LHPP: variants seen among roughly 807,000 people sequenced by gnomAD.
LHPP encodes the protein phospholysine phosphohistidine inorganic pyrophosphate phosphatase.
LHPP carries 24 observed loss-of-function variants against 30.3 expected under a neutral mutation model. That is an observed-to-expected ratio of 0.79 (90% CI 0.57 to 1.11). LHPP has a LOEUF of 1.11. Ranked by LOEUF, LHPP falls within the 50% of genes most tolerant of loss-of-function variation. The pLI is 0.00. For missense variants in LHPP, 356 were observed against 367.2 expected (o/e 0.97, Z 0.25); for synonymous variants, 150 against 157.1 (o/e 0.95, Z 0.34).
intron 6 of LHPP, among the ~76,000 whole-genome samples, chr10:124,564,666 C>G (rs190273052): frequency 3.3e-5 from 5 of 152,282 alleles, no homozygotes; most frequent in Admixed American, 6.5e-5. Context: ...TCCTGGTTCC[C>G]CAGTGAGAGA....
intron 5 of LHPP, among the ~76,000 whole-genome samples, chr10:124,499,300 A>C (rs1159539171): frequency 1.4e-5 from 2 of 147,450 alleles, no homozygotes; most frequent in Non-Finnish European, 3.0e-5. Flanking sequence ...GATTACAGGC[A>C]TGAGCCACCA....
intron 6 of LHPP, among the ~76,000 whole-genome samples, chr10:124,561,535 C>T (rs572776688): frequency 6.6e-6 from 1 of 152,004 alleles, no homozygotes; most frequent in African/African-American, 2.4e-5. Context: ...CCGCCCCCCC[C>T]ACAACAGTGA....
chr10:124,510,525 G>A lies in LHPP; in HGVS notation c.625-6655G>A, dbSNP rs190371222. Among the ~76,000 whole-genome samples, 61 of 152,282 alleles carry A rather than the reference G, an allele frequency of 4.0e-4. No homozygotes were observed. Among genetic ancestry groups the A allele is most frequent in the South Asian group, 1.2e-3 (6 of 4,824 alleles). ...TCCTGCATGAGAACTCTTCCTCCAA[G>A]AGACCACGTTCCTCTGGTCCTGTCT... is the stretch of plus-strand genomic sequence containing the variant. On this transcript the variant is annotated intron_variant, in intron 5 of 6. Coordinates refer to ENST00000368842, the MANE Select transcript of LHPP (RefSeq NM_022126.4). The surrounding 1 kb of genome is among the most constrained non-coding windows in gnomAD (Gnocchi z 4.0).
chr10:124,587,780 C>G (rs1310273740), intron 6 of LHPP, among the ~76,000 whole-genome samples: 2 of 147,610 alleles, frequency 1.4e-5, no homozygotes, highest in East Asian at 2.0e-4. Context: ...AAAAACCCAC[C>G]CTGAGTTTAA....
At chr10:124,529,594 C>T (rs1954833589) in intron 6 of LHPP, among the ~76,000 whole-genome samples, 1 of 152,180 alleles carries the variant, frequency 6.6e-6, no homozygotes, top group Non-Finnish European at 1.5e-5. Flanking sequence ...TCTACACTTT[C>T]CAAGGGTTTA....
intron 3 of LHPP, among the ~76,000 whole-genome samples, chr10:124,491,673 C>T (rs2133862940): frequency 6.6e-6 from 1 of 152,286 alleles, no homozygotes; most frequent in East Asian, 1.9e-4. Context: ...GCCGGTAATC[C>T]CAGCACTTTG....
intron 6 of LHPP, among the ~76,000 whole-genome samples, chr10:124,597,482 G>A (rs913352253): frequency 9.2e-5 from 14 of 152,218 alleles, no homozygotes; most frequent in Admixed American, 3.3e-4. Flanking sequence ...CCCAGCACTC[G>A]GGTCTGTGAG....
chr10:124,493,743 C>T (rs1953609129), intron 3 of LHPP: 1 of 152,174 alleles, frequency 6.6e-6, no homozygotes, highest in Non-Finnish European at 1.5e-5. Flanking sequence ...CTCTTTGTGG[C>T]TAGAACATTC....
intron 6 of LHPP, among the ~76,000 whole-genome samples, chr10:124,582,937 T>C (rs763749752): frequency 6.6e-6 from 1 of 151,738 alleles, no homozygotes; most frequent in Non-Finnish European, 1.5e-5. Flanking sequence ...TCACATTGAG[T>C]AGGATGTGAG....
chr10:124,500,327 C>T (rs572426577), intron 5 of LHPP, among the ~76,000 whole-genome samples: 4 of 151,756 alleles, frequency 2.6e-5, no homozygotes, highest in African/African-American at 7.3e-5. Flanking sequence ...TAAAAATTAG[C>T]CGGGTGTGGT....
At chr10:124,490,039 ATC>A (rs1953473213) in intron 3 of LHPP, 1 of 163,940 alleles carries the variant, frequency 6.1e-6, no homozygotes, top group Non-Finnish European at 1.3e-5. Context: ...GTCTGTGGGT[ATC>A]TCTCCCATCT....
intron 6 of LHPP, among the ~76,000 whole-genome samples, chr10:124,539,752 AT>A (rs1477269126): frequency 3.5e-5 from 5 of 143,212 alleles, no homozygotes; most frequent in African/African-American, 1.0e-4. Flanking sequence ...AAAAAAAAAA[AT>A]TAGTCAGGCA....
chr10:124,610,984 TG>T (rs2134022961), intron 6 of LHPP, among the ~76,000 whole-genome samples: 2 of 30,792 alleles, frequency 6.5e-5, no homozygotes, highest in South Asian at 2.9e-3. Context: ...AGGGTGCTGG[TG>T]GAGCGGGTGA....
intron 6 of LHPP, among the ~76,000 whole-genome samples, chr10:124,540,692 C>A (rs973770980): frequency 6.6e-6 from 1 of 152,164 alleles, no homozygotes; most frequent in Non-Finnish European, 1.5e-5. Flanking sequence ...GACTCACAGG[C>A]AGGGTTCCAG....
At chr10:124,501,896 G>A (rs1201150447) in intron 5 of LHPP, among the ~76,000 whole-genome samples, 1 of 151,864 alleles carries the variant, frequency 6.6e-6, no homozygotes, top group Non-Finnish European at 1.5e-5. Context: ...TGACTTGTGT[G>A]TCGTTTTTAT....
chr10:124,567,397 G>C (rs562438523), intron 6 of LHPP, among the ~76,000 whole-genome samples: 24 of 152,222 alleles, frequency 1.6e-4, no homozygotes, highest in African/African-American at 5.3e-4. Flanking sequence ...CCCTCCACGC[G>C]CCCCTGGCTG....
intron 6 of LHPP, among the ~76,000 whole-genome samples, chr10:124,521,537 G>A (rs1020111256): frequency 6.6e-6 from 1 of 152,216 alleles, no homozygotes; most frequent in African/African-American, 2.4e-5. Context: ...GCATCAGAAG[G>A]CCTTCCAGGC....
chr10:124,486,978 C>A (rs909343683), intron 2 of LHPP, among the ~76,000 whole-genome samples: 1 of 152,234 alleles, frequency 6.6e-6, no homozygotes, highest in Non-Finnish European at 1.5e-5. Context: ...CTGAGTTAAC[C>A]CTTTCCGTCA....
chr10:124,552,851 T>C (rs1308966343), intron 6 of LHPP, among the ~76,000 whole-genome samples: 3 of 152,270 alleles, frequency 2.0e-5, no homozygotes, highest in African/African-American at 7.2e-5. Context: ...TGGGGTTTAA[T>C]TGGAGCGTAA....
Sources: gnomAD v4.1 joint callset for allele counts (sites outside exome capture counted in the v4.1 genomes callset) on GRCh38, gnomAD v4.1.1 for gene constraint, Gnocchi (gnomAD v3.1) non-coding constraint, MANE v1.5 for transcripts, NCBI Gene and HGNC (gene_info 2026-07-23, HGNC 2026-07-21) for gene names.